Variants in FBXO21 observed in about 807,000 individuals in gnomAD.
FBXO21 encodes the protein F-box protein 21.
FBXO21 carries 32 observed loss-of-function variants against 76.6 expected under a neutral mutation model. The ratio of observed to expected loss-of-function variants is 0.42; its 90% CI spans 0.32 to 0.56. The LOEUF (loss-of-function observed/expected upper bound fraction) is 0.56. FBXO21 is among the 20% of genes least tolerant of loss of function. The pLI is 0.16. For missense variants in FBXO21, 586 were observed against 797.3 expected (o/e 0.73, Z 3.19); for synonymous variants, 328 against 311.5 (o/e 1.05, Z -0.56).
rs3741469 is a variant in FBXO21, at chr12:117,144,314, G to C, written c.*1773C>G. ...AGTGTACAATCCTCCCAACCTTGGC[G>C]GGCCAGGTGCTGTGAGTGGTTACGT... On this transcript the variant is annotated 3_prime_UTR_variant, in exon 12 of 12. Transcript: ENST00000622495. The C allele has an allele frequency of 2.8e-4, 43 of 152,238 alleles. No individual in the cohort carries two copies. The East Asian group carries it at 4.6e-3, about 16-fold the overall frequency. The allele number at this position is 152,238 out of a possible 1,614,324, so 9.4% of individuals were successfully genotyped here. A position where few individuals can be genotyped will look rare whatever the true frequency, so the allele number is the denominator to read the frequency against.
At chr12:117,166,047 G>A (rs1022861061) in intron 8 of FBXO21, among the ~76,000 whole-genome samples, 1 of 152,134 alleles carries the variant, frequency 6.6e-6, no homozygotes, top group Admixed American at 6.6e-5. Context: ...AAAATTAGCT[G>A]GGCGTGGTGG....
At chr12:117,149,602 G>A (rs1955816361) in intron 11 of FBXO21, among the ~76,000 whole-genome samples, 1 of 152,184 alleles carries the variant, frequency 6.6e-6, no homozygotes, top group South Asian at 2.1e-4. Flanking sequence ...GTGGGTGGAG[G>A]CCAGGGGTGC....
intron 3 of FBXO21, among the ~76,000 whole-genome samples, chr12:117,178,476 C>T (rs559678267): frequency 1.3e-5 from 2 of 152,214 alleles, no homozygotes; most frequent in South Asian, 2.1e-4. Flanking sequence ...ACCCAATCCT[C>T]GCCTCCAAGT....
chr12:117,165,748 A>G, intron 8 of FBXO21, 131 bp from the exon 9 acceptor site: 4 of 855,294 alleles, frequency 4.7e-6, no homozygotes, highest in East Asian at 5.1e-5. Flanking sequence ...ATTTCTTCTC[A>G]GCTCAACGAA....
intron 3 of FBXO21, among the ~76,000 whole-genome samples, chr12:117,184,300 A>G (rs1275670012): frequency 2.6e-5 from 4 of 152,122 alleles, no homozygotes; most frequent in Non-Finnish European, 5.9e-5. Flanking sequence ...ATTTTTTGTG[A>G]TAGCAAGTCT....
intron 4 of FBXO21, among the ~76,000 whole-genome samples, chr12:117,175,507 A>C (rs10850789): frequency 0.2 from 30,904 of 152,176 alleles, 3,515 homozygotes; most frequent in East Asian, 0.43. Flanking sequence ...ACCTTAAATT[A>C]AAGAGATCTC....
At chr12:117,177,850 G>A (rs750325940) in intron 3 of FBXO21, among the ~76,000 whole-genome samples, 1 of 152,156 alleles carries the variant, frequency 6.6e-6, no homozygotes, top group East Asian at 1.9e-4. Flanking sequence ...TTATCTGCCT[G>A]GCTTCAGACT....
chr12:117,189,027 A>G, intron 2 of FBXO21, 200 bp downstream of exon 2: 1 of 628,896 alleles, frequency 1.6e-6, no homozygotes, highest in Non-Finnish European at 2.7e-6. Context: ...TTAGAAAAGT[A>G]AAGCTGGCAC....
chr12:117,167,141 A>G (rs1006989503), intron 7 of FBXO21, 64 bp from the exon 8 acceptor site: 33 of 1,248,026 alleles, frequency 2.6e-5, no homozygotes, highest in Non-Finnish European at 3.6e-5. Flanking sequence ...CTCCACAGTA[A>G]GTAGCTCAAA....
intron 11 of FBXO21, among the ~76,000 whole-genome samples, chr12:117,153,723 G>A (rs767995298): frequency 2.0e-5 from 3 of 152,238 alleles, no homozygotes; most frequent in East Asian, 1.9e-4. Flanking sequence ...TGGAGCCGCC[G>A]GCAGAAGACG....
At chr12:117,155,766 G>T (rs1159664871) in intron 11 of FBXO21, 25 bp downstream of exon 11, 1 of 1,602,914 alleles carries the variant, frequency 6.2e-7, no homozygotes, top group African/African-American at 1.3e-5. Flanking sequence ...CGGGGCCACT[G>T]GCACAAGCGG....
chr12:117,174,757 G>A lies in FBXO21; in HGVS notation c.633C>T (p.Asp211=). Residue 211 remains aspartate, a synonymous_variant, in exon 5 of 12, where the codon GAC becomes GAT. Coordinates refer to ENST00000622495, the MANE Select transcript of FBXO21 (RefSeq NM_015002.3). ...YIDQYCNPLS[D]ISLKDIQAQI... ...GGGCCTGGATGTCTTTGAGGCTGAT[G>A]TCGGAGAGAGGATTGCAGTACTGGT... 1.9e-6 allele frequency: 3 copies of A among 1,614,146 alleles called. No homozygotes were observed. The highest frequency in any genetic ancestry group is 2.5e-6 in the Non-Finnish European group (3 of 1,179,984).
intron 3 of FBXO21, among the ~76,000 whole-genome samples, chr12:117,185,117 G>A (rs1466412915): frequency 1.3e-5 from 2 of 152,134 alleles, no homozygotes; most frequent in African/African-American, 4.8e-5. Flanking sequence ...AAGTAGGTAT[G>A]AGGTCCCATT....
At position 117,190,275 on chromosome 12, in the gene FBXO21, C is replaced by A; in HGVS notation, c.182G>T (p.Arg61Leu). 5 of 1,541,288 alleles carry A rather than the reference C, an allele frequency of 3.2e-6. No individual in the cohort carries two copies. Among genetic ancestry groups the A allele is most frequent in the Non-Finnish European group, 4.3e-6 (5 of 1,154,722 alleles). ...DIGRVSSTCR[R>L]LRELCQSSGK... The stretch of plus-strand genomic sequence containing the variant: ...GCTGCTCTGGCACAGCTCGCGCAGC[C>A]GCCGGCAGGTGCTGGAGACACGGCC... Residue 61 changes from arginine to leucine, a missense_variant, in exon 1 of 12, where the codon CGG becomes CTG. Transcript: ENST00000622495.
chr12:117,146,754 C>A (rs1452352547), intron 11 of FBXO21, among the ~76,000 whole-genome samples: 1 of 152,146 alleles, frequency 6.6e-6, no homozygotes, highest in Non-Finnish European at 1.5e-5. Flanking sequence ...ACTTTCCACC[C>A]GAGCTCCTTC....
At chr12:117,174,885 G>A (rs1956158416) in intron 4 of FBXO21, 88 bp from the exon 5 acceptor site, 2 of 1,366,762 alleles carry the variant, frequency 1.5e-6, no homozygotes, top group Non-Finnish European at 2.0e-6. Context: ...CCTGGGACAT[G>A]GCTCTTTACA....
intron 11 of FBXO21, among the ~76,000 whole-genome samples, chr12:117,148,961 T>TA (rs999988236): frequency 5.3e-5 from 8 of 152,184 alleles, no homozygotes; most frequent in African/African-American, 1.7e-4. Flanking sequence ...CAATAAATGT[T>TA]AAAAAACAAA....
At position 117,189,348 on chromosome 12, in the gene FBXO21, A is replaced by G. The variant is rs1311254405; in HGVS notation, c.254T>C (p.Met85Thr). The change falls in exon 2 of 12, where the codon ATG (methionine) becomes ACG (threonine). Residue 85 changes from methionine to threonine, a missense_variant. Coordinates refer to ENST00000622495, the MANE Select transcript of FBXO21 (RefSeq NM_015002.3). ...EQFRVRWPSL[M>T]KHYSPTDYVN... ...GTAGTCGGTGGGGCTGTAGTGTTTC[A>G]TAAGGGAAGGCCACCTACGAGGAGA... 6.2e-7 allele frequency: 1 copy of G among 1,614,132 alleles called. No individual in the cohort carries two copies. The highest frequency in any genetic ancestry group is 1.7e-5 in the Admixed American group (1 of 60,014).
chr12:117,190,280 G>T lies in FBXO21; in HGVS notation c.177C>A (p.Cys59Ter). ...AADIGRVSSTCRRLRELCQSS... is the reference protein window; with the variant it reads ...AADIGRVSST The stretch of plus-strand genomic sequence containing the variant: ...TCTGGCACAGCTCGCGCAGCCGCCG[G>T]CAGGTGCTGGAGACACGGCCGATGT... The change falls in exon 1 of 12, where the codon TGC becomes TGA. Residue 59 changes from cysteine (C) to a stop codon, truncating the protein, a stop_gained. Transcript: ENST00000622495. LOFTEE classifies it high-confidence loss of function. 6.5e-7 allele frequency: 1 copy of T among 1,539,030 alleles called. No homozygotes were observed.
Sources: allele counts gnomAD v4.1 joint callset (sites outside exome capture counted in the v4.1 genomes callset), GRCh38; gene constraint gnomAD v4.1.1; transcripts MANE v1.5; gene names NCBI Gene and HGNC (gene_info 2026-07-23, HGNC 2026-07-21).